The following LIPM variants were observed in gnomAD, a reference collection of about 807,000 sequenced individuals.
LIPM encodes lipase family member M, also known as lipase member M.
In LIPM, 42 loss-of-function variants were observed where a neutral mutation model predicts 42.4. That is an observed-to-expected ratio of 0.99 (90% CI 0.77 to 1.28). LIPM has a LOEUF of 1.28. Among genes scored for constraint, LIPM ranks in the 50% most tolerant of loss-of-function variants. The pLI is 0.00. For missense variants in LIPM, 524 were observed against 520.1 expected (o/e 1.01, Z -0.07); for synonymous variants, 177 against 173.3 (o/e 1.02, Z -0.17).
intron 3 of LIPM, among the ~76,000 whole-genome samples, chr10:88,813,806 G>C (rs1195256664): frequency 6.6e-6 from 1 of 152,122 alleles, no homozygotes; most frequent in African/African-American, 2.4e-5. Context: ...AGAAGGTGAA[G>C]GGGAAGCAAG....
At chr10:88,803,177 G>A (rs886068406) in intron 1 of LIPM, 134 bp downstream of exon 1, 2 of 993,004 alleles carry the variant, frequency 2.0e-6, no homozygotes, top group East Asian at 2.8e-5. Flanking sequence ...GTAGCAAATT[G>A]TACTGGAAAG....
chr10:88,807,078 G>A (rs1431891271), intron 1 of LIPM, among the ~76,000 whole-genome samples: 1 of 152,154 alleles, frequency 6.6e-6, no homozygotes, highest in Non-Finnish European at 1.5e-5. Context: ...TCGGTTAATT[G>A]AGTTTTAATT....
intron 1 of LIPM, among the ~76,000 whole-genome samples, chr10:88,805,097 A>G (rs548732951): frequency 4.7e-4 from 72 of 152,280 alleles, no homozygotes; most frequent in African/African-American, 1.5e-3. Flanking sequence ...TTTTTAAGCA[A>G]GTGTTTACTG....
intron 4 of LIPM, 147 bp from the exon 5 acceptor site, chr10:88,814,941 G>C (rs975309031): frequency 9.9e-6 from 7 of 709,148 alleles, no homozygotes; most frequent in African/African-American, 1.8e-5. Context: ...CAAATATGCT[G>C]GTGTCATAAG....
intron 8 of LIPM, among the ~76,000 whole-genome samples, chr10:88,818,360 T>G (rs1054521227): frequency 5.9e-5 from 9 of 152,248 alleles, no homozygotes; most frequent in African/African-American, 2.2e-4. Context: ...CTTTAATTTT[T>G]CAGGCTTCAA....
intron 2 of LIPM, among the ~76,000 whole-genome samples, chr10:88,810,741 A>C (rs1398451453): frequency 6.6e-6 from 1 of 152,228 alleles, no homozygotes; most frequent in African/African-American, 2.4e-5. Flanking sequence ...TAAATTAAAT[A>C]GAAGACCTAG....
At chr10:88,813,372 T>A in intron 3 of LIPM, 77 bp downstream of exon 3, 1 of 1,215,926 alleles carries the variant, frequency 8.2e-7, no homozygotes, top group South Asian at 1.6e-5. Context: ...CGGCTTCTAG[T>A]ATTTGGTTGA....
At chr10:88,805,995 A>G in intron 1 of LIPM, 1 of 456,588 alleles carries the variant, frequency 2.2e-6, no homozygotes, top group Non-Finnish European at 4.4e-6. Context: ...AGGCCTTTAG[A>G]CCGCAAACAG....
At position 88,808,993 on chromosome 10, in the gene LIPM, T is replaced by G. The variant is rs192843449; in HGVS notation, c.265+578T>G. On this transcript the variant is annotated intron_variant, in intron 2 of 8. Coordinates refer to ENST00000404743, the MANE Select transcript of LIPM (RefSeq NM_001128215.1). ...TTTTGAGGTGGAGTTTTGCACTTGT[T>G]GCCCAGGCTGGAGTGCAGTGGTAGG... Among the ~76,000 whole-genome samples, 781 of 150,644 alleles carry G rather than the reference T, an allele frequency of 5.2e-3. 10 individuals are homozygous for G. The highest frequency in any genetic ancestry group is 0.018 in the African/African-American group (741 of 40,440).
intron 1 of LIPM, 42 bp from the exon 2 acceptor site, chr10:88,808,256 C>A: frequency 9.1e-7 from 1 of 1,098,136 alleles, no homozygotes; most frequent in Non-Finnish European, 1.4e-6. Flanking sequence ...AGAATATGGC[C>A]ACAGAGAACT....
At chr10:88,809,619 A>G (rs1339701634) in intron 2 of LIPM, among the ~76,000 whole-genome samples, 6 of 152,194 alleles carry the variant, frequency 3.9e-5, no homozygotes, top group Non-Finnish European at 7.3e-5. Context: ...CTTGCTAGTG[A>G]GTTGTAAAAC....
chr10:88,812,045 T>C (rs1411586027), intron 2 of LIPM, among the ~76,000 whole-genome samples: 1 of 152,210 alleles, frequency 6.6e-6, no homozygotes, highest in Non-Finnish European at 1.5e-5. Flanking sequence ...GGCCACCAAG[T>C]CTGTCTCCTT....
rs1258297087 is a variant in LIPM at position 88,808,374 on chromosome 10, T to C, written c.224T>C (p.Val75Ala). The C allele has an allele frequency of 1.1e-5, 17 of 1,551,642 alleles. No individual in the cohort carries two copies. Among genetic ancestry groups the C allele is most frequent in the Non-Finnish European group, 1.4e-5 (16 of 1,146,832 alleles). Residue 75 changes from valine (V) to alanine (A), a missense_variant, in exon 2 of 9, where the codon GTT becomes GCT. Coordinates refer to ENST00000404743, the MANE Select transcript of LIPM (RefSeq NM_001128215.1). Reference sequence around the variant, plus strand: ...ACTGAAGATGGGTATATCCTTTCTGTTAACAGGATTCCTCGAGGCCTAGTG... The same window carrying C: ...ACTGAAGATGGGTATATCCTTTCTGCTAACAGGATTCCTCGAGGCCTAGTG... Reference protein sequence around the residue: ...VATEDGYILSVNRIPRGLVQP... With the variant: ...VATEDGYILSANRIPRGLVQP...
intron 1 of LIPM, chr10:88,805,947 T>C: frequency 2.2e-6 from 1 of 456,528 alleles, no homozygotes; most frequent in South Asian, 1.5e-5. Flanking sequence ...GAGCTAAAAC[T>C]GCTCTTCAGA....
chr10:88,817,923 A>T, intron 8 of LIPM, 27 bp downstream of exon 8: 1 of 1,498,284 alleles, frequency 6.7e-7, no homozygotes, highest in African/African-American at 1.4e-5. Flanking sequence ...CCATCTGCTG[A>T]AAATATATAC....
Position 88,813,184 on chromosome 10 carries a change from T to A in LIPM, c.353T>A (p.Phe118Tyr). Residue 118 changes from phenylalanine to tyrosine, a missense_variant, in exon 3 of 9, where the codon TTC (phenylalanine) becomes TAC (tyrosine). Physicochemically the swap from Phe to Tyr is conservative, Grantham distance 22. Transcript: ENST00000404743. ...AACCTGCCCAACAATAGCCTGGGCT[T>A]CATTCTGGCAGATGCTGGTTTTGAC... ...ISNLPNNSLG[F>Y]ILADAGFDVW... 1.2e-6 allele frequency: 2 copies of A among 1,613,720 alleles called. No individual in the cohort carries two copies. Among genetic ancestry groups the A allele is most frequent in the Non-Finnish European group, 1.7e-6 (2 of 1,179,820 alleles).
chr10:88,814,779 G>T, intron 4 of LIPM, 140 bp downstream of exon 4: 1 of 682,406 alleles, frequency 1.5e-6, no homozygotes, highest in East Asian at 2.7e-5. Flanking sequence ...CCAGCAATGT[G>T]TCTAGCATAT....
At chr10:88,806,748 G>A (rs1334580801) in intron 1 of LIPM, among the ~76,000 whole-genome samples, 4 of 152,040 alleles carry the variant, frequency 2.6e-5, no homozygotes, top group South Asian at 2.1e-4. Context: ...GCAGTGGCGC[G>A]ATCTTGGCTC....
intron 2 of LIPM, among the ~76,000 whole-genome samples, chr10:88,808,837 G>A (rs1450909700): frequency 6.6e-6 from 1 of 152,058 alleles, no homozygotes; most frequent in Non-Finnish European, 1.5e-5. Flanking sequence ...CTCATCTAAA[G>A]AGCACTTAAA....
Sources: gnomAD v4.1 joint callset for allele counts (sites outside exome capture counted in the v4.1 genomes callset) on GRCh38, gnomAD v4.1.1 for gene constraint, MANE v1.5 for transcripts, NCBI Gene and HGNC (gene_info 2026-07-23, HGNC 2026-07-21) for gene names.